Variants in WIF1 observed in about 807,000 individuals in gnomAD.
WIF1 encodes Wnt inhibitory factor 1.
Under a neutral mutation model 53.5 loss-of-function variants are expected in WIF1, and 35 were observed. The observed-to-expected ratio is 0.65, with a 90% CI of 0.50 to 0.87. The LOEUF is 0.87. Ranked by LOEUF, WIF1 falls within the 40% of genes least tolerant of loss-of-function variation. The probability of loss-of-function intolerance (pLI) is 0.00; values close to 1 mark genes in which losing one functional copy is unlikely to be tolerated. For synonymous variants in WIF1, 171 were observed against 170.4 expected (o/e 1.00, Z -0.03); for missense variants, 467 against 476.8 (o/e 0.98, Z 0.19).
At position 65,090,828 on chromosome 12, in the gene WIF1, A is replaced by G. The variant is rs1883111016; in HGVS notation, c.289-12974T>C. On this transcript the variant is annotated intron_variant, in intron 2 of 9. Transcript: ENST00000286574. ...TCAACAAATGCTAGTTACTATACAC[A>G]GGATCAATATAAAGTCCTTTATTGG... Among the ~76,000 whole-genome samples, 5 of 152,172 alleles carry G rather than the reference A, an allele frequency of 3.3e-5. No individual in the cohort carries two copies. In the South Asian group the frequency reaches 1.0e-3, roughly 32 times the overall value.
rs914391601 is a variant in WIF1 at position 65,050,817 on chromosome 12, T to G, written c.*532A>C. 1.1e-5 allele frequency: 2 copies of G among 176,870 alleles called. No homozygotes were observed. Among genetic ancestry groups the G allele is most frequent in the Admixed American group, 1.3e-4 (2 of 15,310 alleles). 11.0% of individuals were successfully genotyped at this position (176,870 alleles called of 1,614,324 possible). On this transcript the variant is annotated 3_prime_UTR_variant, in exon 10 of 10. Transcript: ENST00000286574. ...TTAAATGCCACTACCACAGTGTAAT[T>G]TTTTTTTTTTTAATACTGAATCTCT...
chr12:65,052,420 C>T (rs1460163869), intron 9 of WIF1, among the ~76,000 whole-genome samples: 17 of 152,108 alleles, frequency 1.1e-4, no homozygotes, highest in Admixed American at 1.1e-3. Flanking sequence ...TGGCCTGTGA[C>T]CCATGAAGCC....
intron 9 of WIF1, among the ~76,000 whole-genome samples, chr12:65,051,927 C>T (rs1247599979): frequency 1.3e-5 from 2 of 152,186 alleles, no homozygotes; most frequent in Middle Eastern, 3.2e-3. Context: ...GACTATTGCA[C>T]TTATAAGACA....
intron 8 of WIF1, 124 bp from the exon 9 acceptor site, chr12:65,055,337 C>G (rs1330089238): frequency 4.0e-5 from 41 of 1,025,434 alleles, no homozygotes; most frequent in Non-Finnish European, 5.4e-5. Context: ...AATTTTTTTT[C>G]CTAAGTCAGT....
chr12:65,087,301 A>G (rs1883054428), intron 2 of WIF1, among the ~76,000 whole-genome samples: 1 of 152,238 alleles, frequency 6.6e-6, no homozygotes, highest in Non-Finnish European at 1.5e-5. Flanking sequence ...TTTTTAGGAC[A>G]GAATGATATT....
At chr12:65,088,608 T>C (rs1883077807) in intron 2 of WIF1, among the ~76,000 whole-genome samples, 1 of 152,134 alleles carries the variant, frequency 6.6e-6, no homozygotes, top group Non-Finnish European at 1.5e-5. Flanking sequence ...ATTTCCAAGT[T>C]GCTAAGTCCA....
At chr12:65,075,973 T>C (rs1453087645) in intron 3 of WIF1, among the ~76,000 whole-genome samples, 1 of 152,156 alleles carries the variant, frequency 6.6e-6, no homozygotes, top group East Asian at 1.9e-4. Context: ...ATTTTCTACC[T>C]TAATAGGAAT....
intron 2 of WIF1, among the ~76,000 whole-genome samples, chr12:65,109,541 C>A (rs1053868628): frequency 6.6e-6 from 1 of 152,210 alleles, no homozygotes; most frequent in Non-Finnish European, 1.5e-5. Context: ...ACAGTCTTCT[C>A]CCCAGCTGGT....
At position 65,120,173 on chromosome 12, in the gene WIF1, C is replaced by T. The variant is rs1258660730; in HGVS notation, c.288+244G>A. On this transcript the variant is annotated intron_variant, in intron 2 of 9. Coordinates refer to ENST00000286574, the MANE Select transcript of WIF1 (RefSeq NM_007191.5). ...TGGAGGTCTTTATATTTCCAGCAGC[C>T]TCAGGACACTGAGTCTTATCAAAAT... 2.6e-5 allele frequency among the ~76,000 whole-genome samples: 4 copies of T among 152,290 alleles called. No individual in the cohort carries two copies. In the East Asian group the frequency reaches 5.8e-4, roughly 22 times the overall value.
chr12:65,064,428 T>C (rs1882657775), intron 6 of WIF1, among the ~76,000 whole-genome samples: 1 of 152,204 alleles, frequency 6.6e-6, no homozygotes, highest in Admixed American at 6.5e-5. Flanking sequence ...CCTTAGGTCC[T>C]AAAGGTTGTG....
At chr12:65,080,227 G>T (rs1000609968) in intron 2 of WIF1, among the ~76,000 whole-genome samples, 6 of 152,166 alleles carry the variant, frequency 3.9e-5, no homozygotes, top group African/African-American at 1.2e-4. Context: ...CCTGTGAGTT[G>T]TGGTCAAGTT....
chr12:65,068,054 C>G (rs2136615575), intron 4 of WIF1, among the ~76,000 whole-genome samples: 1 of 152,240 alleles, frequency 6.6e-6, no homozygotes, highest in African/African-American at 2.4e-5. Flanking sequence ...GCCTTCATCT[C>G]CTCCTATGGA....
chr12:65,085,171 G>A lies in WIF1; in HGVS notation c.289-7317C>T, dbSNP rs188421240. On this transcript the variant is annotated intron_variant, in intron 2 of 9. Transcript: ENST00000286574. ...CAGGATGTAATTGTGCTATCACTGCGAAACTGTGAAACACAGATTGAGTAT... is the reference window on the plus strand; with the variant it reads ...CAGGATGTAATTGTGCTATCACTGCAAAACTGTGAAACACAGATTGAGTAT... 6.6e-5 allele frequency among the ~76,000 whole-genome samples: 10 copies of A among 152,204 alleles called. No individual in the cohort carries two copies. In the East Asian group the frequency reaches 1.7e-3, roughly 26 times the overall value.
At chr12:65,070,726 C>T (rs1882760143) in intron 3 of WIF1, among the ~76,000 whole-genome samples, 1 of 152,150 alleles carries the variant, frequency 6.6e-6, no homozygotes, top group Admixed American at 6.6e-5. Context: ...TGCAGCCCAC[C>T]TGATTCTTTT....
At chr12:65,062,630 C>T (rs2136612164) in intron 6 of WIF1, 54 bp from the exon 7 acceptor site, 1 of 1,499,592 alleles carries the variant, frequency 6.7e-7, no homozygotes, top group South Asian at 1.2e-5. Flanking sequence ...AAATCTAACA[C>T]AAATTTCACT....
intron 2 of WIF1, among the ~76,000 whole-genome samples, chr12:65,113,181 T>C (rs141715497): frequency 1.3e-5 from 2 of 152,296 alleles, no homozygotes; most frequent in Non-Finnish European, 2.9e-5. Flanking sequence ...CATGTGACTT[T>C]ATTGAGTTGG....
chr12:65,052,659 A>T (rs2136605559), intron 9 of WIF1, among the ~76,000 whole-genome samples: 1 of 152,076 alleles, frequency 6.6e-6, no homozygotes, highest in South Asian at 2.1e-4. Flanking sequence ...TGGCTGGGTG[A>T]CCTCTCCTGG....
At chr12:65,099,444 G>C (rs1883248802) in intron 2 of WIF1, among the ~76,000 whole-genome samples, 2 of 152,202 alleles carry the variant, frequency 1.3e-5, no homozygotes, top group South Asian at 4.1e-4. Context: ...CTCTGCAGCA[G>C]AGAGGCCAGC....
intron 6 of WIF1, among the ~76,000 whole-genome samples, chr12:65,063,060 T>A (rs10784436): frequency 0.97 from 148,345 of 152,250 alleles, 72,316 homozygotes; most frequent in East Asian, 1. Context: ...ATTTATCTTA[T>A]TGAGATTGTT....
Sources: gnomAD v4.1 joint callset for allele counts (sites outside exome capture counted in the v4.1 genomes callset) on GRCh38, gnomAD v4.1.1 for gene constraint, MANE v1.5 for transcripts, NCBI Gene and HGNC (gene_info 2026-07-23, HGNC 2026-07-21) for gene names.